The following ARAP2 variants were observed in gnomAD, a reference collection of about 807,000 sequenced individuals.
ARAP2 encodes the protein ArfGAP with RhoGAP domain, ankyrin repeat and PH domain 2, also known as arf-GAP with Rho-GAP domain, ANK repeat and PH domain-containing protein 2.
Under a neutral mutation model 194.5 loss-of-function variants are expected in ARAP2, and 148 were observed. That is an observed-to-expected ratio of 0.76 (90% confidence interval 0.67 to 0.87). ARAP2 has a LOEUF of 0.87. Among genes scored for constraint, ARAP2 ranks in the 40% least tolerant of loss-of-function variants. ARAP2 has a pLI of 0.00. For missense variants in ARAP2, 2,128 were observed against 1,989.7 expected (o/e 1.07, Z -1.32); for synonymous variants, 695 against 683.5 (o/e 1.02, Z -0.26).
At position 36,119,691 on chromosome 4, in the gene ARAP2, C is replaced by T. The variant is rs774716912; in HGVS notation, c.3922G>A (p.Asp1308Asn). ...TTGGTAATAAAGCTATTTTCTATGT[C>T]CATTTGTTTGACTTGATCTTCTTTA... ...EVKEDQVKQMDIENSFITKWK... is the reference protein window; with the variant it reads ...EVKEDQVKQMNIENSFITKWK... Residue 1308 changes from aspartate (D) to asparagine (N), a missense_variant, in exon 24 of 33, where the codon GAC (aspartate) becomes AAC (asparagine). Physicochemically the swap from Asp to Asn is conservative, Grantham distance 23 (BLOSUM62 1). Coordinates refer to ENST00000303965, the MANE Select transcript of ARAP2 (RefSeq NM_015230.4). The T allele has an allele frequency of 1.2e-6, 2 of 1,603,272 alleles. No homozygotes were observed. Among genetic ancestry groups the T allele is most frequent in the Non-Finnish European group, 1.7e-6 (2 of 1,172,054 alleles).
chr4:36,154,153 G>C (rs979519689), intron 15 of ARAP2, among the ~76,000 whole-genome samples: 2 of 152,122 alleles, frequency 1.3e-5, no homozygotes, highest in African/African-American at 4.8e-5. Context: ...TTACGGTAAA[G>C]AATGTGTACA....
At position 36,019,509 on chromosome 4, in the gene ARAP2, C is replaced by A. The variant is rs1477205569; in HGVS notation, n.608-223G>T. Among the ~76,000 whole-genome samples the A allele has an allele frequency of 2.7e-5, 4 of 149,170 alleles. No individual in the cohort carries two copies. In the South Asian group the frequency reaches 6.2e-4, roughly 23 times the overall value. On this transcript the variant is annotated intron_variant and non_coding_transcript_variant, in intron 5 of 12. Transcript: ENST00000503225. Reference sequence around the variant, plus strand: ...GCGATGATGGAAGATTGACCTGGAACAATATCGGATACAATTCTCCTCATC... The same window carrying A: ...GCGATGATGGAAGATTGACCTGGAAAAATATCGGATACAATTCTCCTCATC...
At chr4:36,061,407 T>A (rs925661195), downstream of ARAP2, among the ~76,000 whole-genome samples, 4 of 152,202 alleles carry the variant, frequency 2.6e-5, no homozygotes, top group Non-Finnish European at 5.9e-5. Flanking sequence ...TCTCAATGAA[T>A]TCAATTGTTT....
At chr4:36,144,224 A>G (rs550757136) in intron 19 of ARAP2, among the ~76,000 whole-genome samples, 2 of 152,014 alleles carry the variant, frequency 1.3e-5, no homozygotes, top group African/African-American at 4.8e-5. Flanking sequence ...GGATAAACAC[A>G]TTTGTTAAGC....
intron 31 of ARAP2, among the ~76,000 whole-genome samples, chr4:36,078,608 G>A (rs897279239): frequency 1.3e-5 from 2 of 152,116 alleles, no homozygotes; most frequent in African/African-American, 2.4e-5. Context: ...ATACCAAGAA[G>A]TAAAAAGAAC....
chr4:36,040,559 C>G, intron 5 of ARAP2, among the ~76,000 whole-genome samples: 1 of 151,992 alleles, frequency 6.6e-6, no homozygotes, highest in East Asian at 1.9e-4. Flanking sequence ...GGTCTTTTAC[C>G]TCCCTGGTTA....
Position 36,228,854 on chromosome 4 carries a change from A to C in ARAP2, c.633T>G (p.Asn211Lys), listed in dbSNP as rs770385371. Residue 211 changes from asparagine (N) to lysine (K), a missense_variant, in exon 2 of 33, where the codon AAT (asparagine) becomes AAG (lysine). Physicochemically the swap from Asn to Lys is moderately conservative, Grantham distance 94. Transcript: ENST00000303965. Reference sequence around the variant, plus strand: ...CAAAAGAAAGGCATTCAGAGTCTGCATTAGGGAGCTTACTGAGATTTTCTG... The same window carrying C: ...CAAAAGAAAGGCATTCAGAGTCTGCCTTAGGGAGCTTACTGAGATTTTCTG... The part of the protein sequence containing the change: ...LITENLSKLP[N>K]ADSECLSFVG... 2 of 1,614,148 alleles carry C rather than the reference A, an allele frequency of 1.2e-6. No individual in the cohort carries two copies. Among genetic ancestry groups the C allele is most frequent in the South Asian group, 1.1e-5 (1 of 91,078 alleles).
At chr4:36,204,239 T>C (rs554769370) in intron 6 of ARAP2, among the ~76,000 whole-genome samples, 5 of 152,146 alleles carry the variant, frequency 3.3e-5, no homozygotes, top group Admixed American at 6.5e-5. Flanking sequence ...GTATAAAGTA[T>C]CAAAAATGAG....
chr4:36,090,276 C>A (rs1248541709), intron 28 of ARAP2, among the ~76,000 whole-genome samples: 1 of 152,072 alleles, frequency 6.6e-6, no homozygotes, highest in Non-Finnish European at 1.5e-5. Context: ...AGCCTACCAA[C>A]CACAAAAATC....
intron 10 of ARAP2, among the ~76,000 whole-genome samples, chr4:36,165,365 A>C (rs1224515321): frequency 6.6e-6 from 1 of 152,186 alleles, no homozygotes; most frequent in Non-Finnish European, 1.5e-5. Flanking sequence ...TCTAAACAAA[A>C]CATAAAATTT....
chr4:36,058,549 C>A (rs1560336674), intron 1 of ARAP2, among the ~76,000 whole-genome samples: 1 of 152,092 alleles, frequency 6.6e-6, no homozygotes, highest in Non-Finnish European at 1.5e-5. Flanking sequence ...ATCTGGCCAC[C>A]CCTATTCCTC....
chr4:36,117,179 T>TA (rs1343935594), intron 24 of ARAP2, 44 bp from the exon 25 acceptor site: 2 of 1,377,596 alleles, frequency 1.5e-6, no homozygotes, highest in Non-Finnish European at 2.0e-6. Context: ...AAACATATTG[T>TA]AAAAACACAT....
chr4:36,072,599 C>G (rs1345394645), intron 32 of ARAP2, among the ~76,000 whole-genome samples: 2 of 149,350 alleles, frequency 1.3e-5, no homozygotes. Context: ...GGAAATGTAA[C>G]TCTTAGAATT....
intron 15 of ARAP2, 43 bp from the exon 16 acceptor site, chr4:36,151,087 C>T (rs372018138): frequency 2.2e-4 from 337 of 1,527,898 alleles, no homozygotes; most frequent in Non-Finnish European, 2.4e-4. Context: ...GAGCTAATCA[C>T]GAATCCAATT....
chr4:36,212,139 C>T (rs6836152), intron 5 of ARAP2, among the ~76,000 whole-genome samples: 131,580 of 151,138 alleles, frequency 0.87, 57,306 homozygotes, highest in East Asian at 0.95. Context: ...GTATTTGCTA[C>T]TGTGGGGAAG....
At chr4:36,082,312 A>T in intron 29 of ARAP2, 26 bp from the exon 30 acceptor site, 1 of 1,596,698 alleles carries the variant, frequency 6.3e-7, no homozygotes, top group South Asian at 1.1e-5. Context: ...AAAAAAACAC[A>T]CATAAATTAA....
intron 31 of ARAP2, among the ~76,000 whole-genome samples, chr4:36,076,096 T>C (rs1230301477): frequency 6.6e-6 from 1 of 152,128 alleles, no homozygotes; most frequent in Non-Finnish European, 1.5e-5. Context: ...TCTAAGTGAG[T>C]TTACTTCTTG....
chr4:36,200,849 C>T lies in ARAP2; in HGVS notation c.1488-7202G>A, dbSNP rs114627777. On this transcript the variant is annotated intron_variant, in intron 6 of 32. Transcript: ENST00000303965. ...ACTATAAGAATTTGCCAAAGTACTT[C>T]GAAAAGTTTTCTCTGAAGTTGTATC... Among the ~76,000 whole-genome samples the T allele has an allele frequency of 6.2e-3, 949 of 152,186 alleles. 11 individuals are homozygous for T. Among genetic ancestry groups the T allele is most frequent in the African/African-American group, 0.022 (896 of 41,514 alleles).
chr4:36,119,849 A>C (rs948159112), intron 23 of ARAP2, 131 bp from the exon 24 acceptor site: 2 of 575,838 alleles, frequency 3.5e-6, no homozygotes, highest in Admixed American at 2.9e-5. Context: ...ATCGGAATCA[A>C]TATGAGCCCA....
Sources: gnomAD v4.1 joint callset for allele counts (sites outside exome capture counted in the v4.1 genomes callset) on GRCh38, gnomAD v4.1.1 for gene constraint, MANE v1.5 for transcripts, NCBI Gene and HGNC (gene_info 2026-07-23, HGNC 2026-07-21) for gene names.